The following ARMC2 variants were observed in gnomAD, a reference collection of about 807,000 sequenced individuals.
The protein encoded by ARMC2 is armadillo repeat-containing protein 2.
In ARMC2, 67 loss-of-function variants were observed where a neutral mutation model predicts 90.3. That is an observed-to-expected ratio of 0.74 (90% CI 0.61 to 0.91). The LOEUF (loss-of-function observed/expected upper bound fraction) is 0.91. Ranked by LOEUF, ARMC2 falls within the 40% of genes least tolerant of loss-of-function variation. ARMC2 has a pLI of 0.00. For synonymous variants in ARMC2, 393 were observed against 393.0 expected, an observed-to-expected ratio of 1.00 and a Z score of 0.00; for missense variants, 920 against 1,030.9, an observed-to-expected ratio of 0.89 and a Z score of 1.47.
intron 5 of ARMC2, 103 bp downstream of exon 5, chr6:108,876,453 G>A (rs1238437081): frequency 2.5e-6 from 3 of 1,207,474 alleles, no homozygotes; most frequent in Non-Finnish European, 3.5e-6. Context: ...TCTCTTTTAT[G>A]TAAGCAAATT....
At chr6:108,996,328 G>A in the ARMC2 span, among the ~76,000 whole-genome samples, 1 of 152,076 alleles carries the variant, frequency 6.6e-6, no homozygotes, top group African/African-American at 2.4e-5. Context: ...TTTCTATGAC[G>A]ATACTGAAGA....
intron 3 of ARMC2, among the ~76,000 whole-genome samples, chr6:108,864,423 AT>A (rs1460509066): frequency 6.6e-6 from 1 of 151,702 alleles, no homozygotes; most frequent in African/African-American, 2.4e-5. Flanking sequence ...TAATTTTTAT[AT>A]TTTTAGTAGA....
chr6:108,956,887 G>A (rs1777623993), intron 13 of ARMC2, among the ~76,000 whole-genome samples: 1 of 152,240 alleles, frequency 6.6e-6, no homozygotes, highest in Non-Finnish European at 1.5e-5. Flanking sequence ...AGCTACTCAG[G>A]AGGCTGAGGC....
chr6:108,912,606 A>G lies in ARMC2; in HGVS notation c.1350+48A>G, dbSNP rs375982309. The G allele has an allele frequency of 1.5e-5, 22 of 1,503,334 alleles. No individual in the cohort carries two copies. In the African/African-American group the frequency reaches 2.2e-4, roughly 15 times the overall value. 93.1% of individuals were successfully genotyped at this position (1,503,334 alleles called of 1,614,324 possible). A position where few individuals can be genotyped will look rare whatever the true frequency, so the allele number is the denominator to read the frequency against. On this transcript the variant is annotated intron_variant, in intron 10 of 17. Transcript: ENST00000392644. ...TTAGATGTGTAAAATTAGTTTTCAC[A>G]TTGCCTAATGCCAGTTTTAAAAGAA...
At chr6:108,961,430 G>A (rs1220907441) in intron 13 of ARMC2, 142 bp from the exon 14 acceptor site, 4 of 795,528 alleles carry the variant, frequency 5.0e-6, no homozygotes, top group Non-Finnish European at 7.4e-6. Flanking sequence ...GAAATCAAGT[G>A]GTAAAGGTGC....
At chr6:108,948,348 C>T (rs144187698) in intron 12 of ARMC2, among the ~76,000 whole-genome samples, 6 of 152,150 alleles carry the variant, frequency 3.9e-5, no homozygotes, top group East Asian at 1.9e-4. Context: ...GAAAACACTA[C>T]CTCTGCTGAC....
chr6:108,937,966 C>G (rs1358433463), intron 12 of ARMC2, among the ~76,000 whole-genome samples: 2 of 152,182 alleles, frequency 1.3e-5, no homozygotes, highest in Admixed American at 1.3e-4. Flanking sequence ...TCCCAAAGTG[C>G]TGGGATTATA....
chr6:109,034,180 A>C, the ARMC2 span, among the ~76,000 whole-genome samples: 15 of 152,216 alleles, frequency 9.9e-5, no homozygotes, highest in Admixed American at 7.9e-4. Flanking sequence ...TTAATTACTT[A>C]GCACAGCATT....
chr6:108,923,511 T>G (rs1378857230), intron 10 of ARMC2, among the ~76,000 whole-genome samples: 1 of 152,000 alleles, frequency 6.6e-6, no homozygotes. Context: ...AATTTTCACT[T>G]GTATATAATG....
the ARMC2 span, among the ~76,000 whole-genome samples, chr6:109,026,579 C>T: frequency 6.6e-6 from 1 of 152,048 alleles, no homozygotes; most frequent in Non-Finnish European, 1.5e-5. Flanking sequence ...TCACTGCAAC[C>T]TTCTCCGCCT....
At chr6:108,877,270 T>A (rs1777031514) in intron 5 of ARMC2, among the ~76,000 whole-genome samples, 1 of 152,250 alleles carries the variant, frequency 6.6e-6, no homozygotes, top group Admixed American at 6.5e-5. Context: ...ATTTCGGGTC[T>A]GACTTTGGCT....
chr6:108,874,941 GTTA>G (rs1776792420), intron 4 of ARMC2, among the ~76,000 whole-genome samples: 1 of 152,088 alleles, frequency 6.6e-6, no homozygotes, highest in Non-Finnish European at 1.5e-5. Context: ...AGGTGGTTTT[GTTA>G]TTATTAGTTT....
chr6:109,044,167 T>A, the ARMC2 span, among the ~76,000 whole-genome samples: 1 of 150,938 alleles, frequency 6.6e-6, no homozygotes, highest in East Asian at 1.9e-4. Context: ...AAAAAAAAAT[T>A]ATCCAGGCAT....
At chr6:108,874,393 G>A (rs1776736346) in intron 4 of ARMC2, among the ~76,000 whole-genome samples, 1 of 152,204 alleles carries the variant, frequency 6.6e-6, no homozygotes, top group South Asian at 2.1e-4. Context: ...AATATTCAGG[G>A]AGTGAATGAA....
intron 11 of ARMC2, among the ~76,000 whole-genome samples, chr6:108,932,267 T>C (rs1775617766): frequency 6.6e-6 from 1 of 151,882 alleles, no homozygotes; most frequent in South Asian, 2.1e-4. Flanking sequence ...CAATTTTTGC[T>C]TTTGTTGCAT....
the ARMC2 span, among the ~76,000 whole-genome samples, chr6:108,989,580 T>TAGAGAGAGATAGAGAGAGATAGAGAGAG: frequency 6.6e-6 from 1 of 151,090 alleles, no homozygotes; most frequent in Admixed American, 6.6e-5. Context: ...GAGATATCTA[T>TAGAGAGAGATAGAGAGAGATAGAGAGAG]ATATAGAGAG....
chr6:108,904,483 A>G, intron 8 of ARMC2, 78 bp downstream of exon 8: 1 of 1,298,038 alleles, frequency 7.7e-7, no homozygotes, highest in Admixed American at 2.9e-5. Flanking sequence ...TAAATATTAC[A>G]AAGAATATTA....
the ARMC2 span, chr6:109,009,628 G>A: frequency 5.3e-6 from 5 of 939,154 alleles, no homozygotes; most frequent in Non-Finnish European, 6.5e-6. Flanking sequence ...CGCCCTGGCG[G>A]CCACGCAAGC....
At chr6:108,964,574 G>C (rs1415065956) in intron 16 of ARMC2, among the ~76,000 whole-genome samples, 1 of 152,156 alleles carries the variant, frequency 6.6e-6, no homozygotes, top group Non-Finnish European at 1.5e-5. Flanking sequence ...AGGAGTTCGA[G>C]AGCAGCCTGG....
Sources: gnomAD v4.1 joint callset for allele counts (sites outside exome capture counted in the v4.1 genomes callset) on GRCh38, gnomAD v4.1.1 for gene constraint, MANE v1.5 for transcripts, NCBI Gene and HGNC (gene_info 2026-07-23, HGNC 2026-07-21) for gene names.